The following CHMP5 variants were observed in gnomAD, a reference collection of about 807,000 sequenced individuals.
CHMP5 encodes the protein SNF7 domain containing 2.
Under a neutral mutation model 33.0 loss-of-function variants are expected in CHMP5, and 17 were observed. The observed-to-expected ratio is 0.52, with a 90% confidence interval of 0.35 to 0.77. The LOEUF is 0.77. CHMP5 is among the 30% of genes least tolerant of loss of function. The probability of loss-of-function intolerance (pLI) is 0.01; values close to 1 mark genes in which losing one functional copy is unlikely to be tolerated. For missense variants in CHMP5, 216 were observed against 261.5 expected (o/e 0.83, Z 1.20); for synonymous variants, 76 against 90.2 (o/e 0.84, Z 0.89).
intron 7 of CHMP5, among the ~76,000 whole-genome samples, chr9:33,280,247 G>A (rs1448841772): frequency 2.6e-5 from 4 of 152,198 alleles, no homozygotes; most frequent in South Asian, 4.1e-4. Context: ...AAAGTGCTGG[G>A]ATTACAGGCC....
intron 5 of CHMP5, among the ~76,000 whole-genome samples, chr9:33,273,242 G>T: frequency 6.6e-6 from 1 of 152,028 alleles, no homozygotes; most frequent in East Asian, 1.9e-4. Context: ...AAAGTGCTGG[G>T]ATTACAGGTA....
chr9:33,276,590 A>T, intron 6 of CHMP5, 26 bp downstream of exon 6: 1 of 1,356,268 alleles, frequency 7.4e-7, no homozygotes, highest in Non-Finnish European at 1.0e-6. Flanking sequence ...AGTAATGTAT[A>T]TTTAGTTTTG....
intron 6 of CHMP5, 33 bp from the exon 7 acceptor site, chr9:33,278,080 A>C: frequency 7.0e-7 from 1 of 1,428,958 alleles, no homozygotes. Flanking sequence ...TCTTGGTTAC[A>C]TTTTTTTTAA....
intron 5 of CHMP5, among the ~76,000 whole-genome samples, chr9:33,271,778 A>G (rs921601459): frequency 6.6e-6 from 1 of 152,220 alleles, no homozygotes; most frequent in Non-Finnish European, 1.5e-5. Flanking sequence ...AGGAACTTCT[A>G]TATTATGAGG....
chr9:33,276,778 A>G (rs1820859949), intron 6 of CHMP5, among the ~76,000 whole-genome samples: 1 of 152,244 alleles, frequency 6.6e-6, no homozygotes, highest in Admixed American at 6.5e-5. Flanking sequence ...AAGGAAGTCC[A>G]GGTACAGGCT....
rs2118061358 is a variant in CHMP5, at chr9:33,280,956, T to C, written c.*97T>C. On this transcript the variant is annotated 3_prime_UTR_variant, in exon 8 of 8. Transcript: ENST00000223500. Reference sequence around the variant, plus strand: ...ATTTGCCATAACAGATTTAGGTTTCTTTCCTTTCTTTGAAGGAAAGTTTAA... The same window carrying C: ...ATTTGCCATAACAGATTTAGGTTTCCTTCCTTTCTTTGAAGGAAAGTTTAA... 5 of 983,734 alleles carry C rather than the reference T, an allele frequency of 5.1e-6. No individual in the cohort carries two copies. In the East Asian group the frequency reaches 1.1e-4, roughly 21 times the overall value. 60.9% of individuals were successfully genotyped at this position (983,734 alleles called of 1,614,324 possible).
intron 2 of CHMP5, among the ~76,000 whole-genome samples, chr9:33,267,650 A>C (rs376785940): frequency 6.7e-4 from 102 of 152,284 alleles, no homozygotes; most frequent in African/African-American, 2.3e-3. Flanking sequence ...TGTGGGATGC[A>C]AAGACAGATA....
chr9:33,265,649 A>G (rs978005558), intron 1 of CHMP5, among the ~76,000 whole-genome samples: 2 of 152,128 alleles, frequency 1.3e-5, no homozygotes, highest in African/African-American at 4.8e-5. Context: ...TAGATCTACA[A>G]TCAGCTGGTT....
At position 33,281,041 on chromosome 9, in the gene CHMP5, G is replaced by C; in HGVS notation, c.*182G>C. Reference sequence around the variant, plus strand: ...TCATTGCTTGGGAAATGCTTTCTTCGTACTAAAATTTGATTCCTTTTTTTC... The same window carrying C: ...TCATTGCTTGGGAAATGCTTTCTTCCTACTAAAATTTGATTCCTTTTTTTC... On this transcript the variant is annotated 3_prime_UTR_variant, in exon 8 of 8. Coordinates refer to ENST00000223500, the MANE Select transcript of CHMP5 (RefSeq NM_016410.6). 2.2e-6 allele frequency: 1 copy of C among 453,374 alleles called. No homozygotes were observed. Among genetic ancestry groups the C allele is most frequent in the Non-Finnish European group, 3.9e-6 (1 of 258,358 alleles). 28.1% of individuals were successfully genotyped at this position (453,374 alleles called of 1,614,324 possible).
At chr9:33,276,743 A>G (rs765144473) in intron 6 of CHMP5, among the ~76,000 whole-genome samples, 179 bp downstream of exon 6, 4 of 152,226 alleles carry the variant, frequency 2.6e-5, no homozygotes, top group Non-Finnish European at 5.9e-5. Context: ...TACTCCACCA[A>G]CAACAGTGGG....
intron 5 of CHMP5, 32 bp downstream of exon 5, chr9:33,271,255 GC>G (rs747521890): frequency 3.7e-5 from 58 of 1,556,860 alleles, no homozygotes; most frequent in Non-Finnish European, 4.6e-5. Context: ...GCAAGAATGT[GC>G]ACTAGTTTCT....
chr9:33,270,131 G>A (rs955339337), intron 3 of CHMP5, among the ~76,000 whole-genome samples: 9 of 152,104 alleles, frequency 5.9e-5, no homozygotes, highest in Admixed American at 6.5e-5. Context: ...CCCCTATAAG[G>A]TTATAATACT....
intron 6 of CHMP5, among the ~76,000 whole-genome samples, chr9:33,277,205 A>G (rs1820866467): frequency 1.3e-5 from 2 of 151,648 alleles, no homozygotes; most frequent in Non-Finnish European, 2.9e-5. Context: ...AAAAAAAAAA[A>G]AAAAAAAAAG....
chr9:33,275,603 T>G (rs541678132), intron 5 of CHMP5, among the ~76,000 whole-genome samples: 5 of 152,352 alleles, frequency 3.3e-5, no homozygotes, highest in Non-Finnish European at 7.3e-5. Context: ...TGATTGACAG[T>G]TTAGATCAAG....
intron 3 of CHMP5, among the ~76,000 whole-genome samples, chr9:33,270,314 T>G (rs780595296): frequency 1.3e-5 from 2 of 152,216 alleles, no homozygotes; most frequent in Non-Finnish European, 2.9e-5. Context: ...CCTAGGTTTG[T>G]GTAAATACAT....
At chr9:33,273,757 A>G (rs1331830991) in intron 5 of CHMP5, among the ~76,000 whole-genome samples, 3 of 151,506 alleles carry the variant, frequency 2.0e-5, no homozygotes, top group Non-Finnish European at 4.4e-5. Flanking sequence ...TGTTTATACA[A>G]TAGAGAACCA....
Position 33,265,085 on chromosome 9 carries a change from C to T in CHMP5, c.7C>T (p.Arg3Ter). Residue 3 changes from arginine (R) to a stop codon, truncating the protein, a stop_gained, in exon 1 of 8, where the codon CGA becomes TGA. Transcript: ENST00000223500. LOFTEE classifies it high-confidence loss of function. Reference sequence around the variant, plus strand: ...TTCTTCGCGGCTGCTCAAGATGAACCGACTCTTCGGGAAAGCGAAACCCAA... The same window carrying T: ...TTCTTCGCGGCTGCTCAAGATGAACTGACTCTTCGGGAAAGCGAAACCCAA... MN[R>*]LFGKAKPKAP... is the part of the protein sequence containing the mutation. 1 of 1,614,178 alleles carries T rather than the reference C, an allele frequency of 6.2e-7. No individual in the cohort carries two copies. Among genetic ancestry groups the T allele is most frequent in the African/African-American group, 1.3e-5 (1 of 75,038 alleles).
chr9:33,273,155 A>G (rs1040036412), intron 5 of CHMP5, among the ~76,000 whole-genome samples: 2 of 152,020 alleles, frequency 1.3e-5, no homozygotes, highest in Non-Finnish European at 2.9e-5. Context: ...TTTTTTTAGT[A>G]GAGATGGGGT....
At chr9:33,269,659 AAAT>A (rs575021810) in intron 3 of CHMP5, among the ~76,000 whole-genome samples, 146 of 152,296 alleles carry the variant, frequency 9.6e-4, no homozygotes, top group African/African-American at 3.1e-3. Flanking sequence ...TTATCATAGA[AAAT>A]AATTATAAAG....
Sources: allele counts gnomAD v4.1 joint callset (sites outside exome capture counted in the v4.1 genomes callset), GRCh38; gene constraint gnomAD v4.1.1; transcripts MANE v1.5; gene names NCBI Gene and HGNC (gene_info 2026-07-23, HGNC 2026-07-21).